The following CAST variants were observed in gnomAD, a reference collection of about 807,000 sequenced individuals.
The protein encoded by CAST is calpastatin, also known as MIR583 host.
Under a neutral mutation model 119.6 loss-of-function variants are expected in CAST, and 76 were observed. That is an observed-to-expected ratio of 0.64 (90% CI 0.53 to 0.77). The LOEUF (loss-of-function observed/expected upper bound fraction) is 0.77, where lower values mean the gene tolerates loss of function less well. Among genes scored for constraint, CAST ranks in the 30% least tolerant of loss-of-function variants. CAST has a pLI of 0.00. For missense variants in CAST, 953 were observed against 946.5 expected, an observed-to-expected ratio of 1.01 and a Z score of -0.09; for synonymous variants, 319 against 331.6, an observed-to-expected ratio of 0.96 and a Z score of 0.41.
At chr5:96,634,686 C>A (rs1003229680) in intron 1 of CAST, among the ~76,000 whole-genome samples, 1 of 152,338 alleles carries the variant, frequency 6.6e-6, no homozygotes, top group Admixed American at 6.5e-5. Flanking sequence ...GTGCCCAACA[C>A]AGTTTGCAGT....
At chr5:96,446,813 G>C in the CAST span, among the ~76,000 whole-genome samples, 1 of 152,132 alleles carries the variant, frequency 6.6e-6, no homozygotes, top group Non-Finnish European at 1.5e-5. Context: ...TGTTGCCTGG[G>C]CTAGAAAAAA....
At chr5:96,512,989 A>G in the CAST span, among the ~76,000 whole-genome samples, 2 of 152,210 alleles carry the variant, frequency 1.3e-5, no homozygotes, top group South Asian at 2.1e-4. Context: ...TCCAAGCACT[A>G]TGACTACATG....
chr5:96,274,662 A>C, the CAST span, among the ~76,000 whole-genome samples: 4 of 152,218 alleles, frequency 2.6e-5, no homozygotes, highest in African/African-American at 9.7e-5. Flanking sequence ...GGGTGCAACA[A>C]TGAGAAGAGA....
chr5:96,597,274 A>T (rs1232963262), intron 1 of CAST, among the ~76,000 whole-genome samples: 3 of 152,248 alleles, frequency 2.0e-5, no homozygotes, highest in Admixed American at 2.0e-4. Context: ...CAAGGAATTT[A>T]TCCATCTGCC....
At chr5:96,070,076 C>A in the CAST span, among the ~76,000 whole-genome samples, 27 of 152,080 alleles carry the variant, frequency 1.8e-4, no homozygotes, top group Non-Finnish European at 2.9e-4. Flanking sequence ...GGAAGGTCAG[C>A]CTTTATTCTC....
the CAST span, among the ~76,000 whole-genome samples, chr5:96,190,285 T>C: frequency 6.6e-6 from 1 of 152,298 alleles, no homozygotes; most frequent in African/African-American, 2.4e-5. Flanking sequence ...AATGCTGGGC[T>C]TCCTTTTATT....
intron 1 of CAST, among the ~76,000 whole-genome samples, chr5:96,541,218 T>A (rs1745906646): frequency 6.6e-6 from 1 of 152,232 alleles, no homozygotes; most frequent in African/African-American, 2.4e-5. Flanking sequence ...ATATTTTAGA[T>A]TATAATCCAA....
chr5:96,195,630 G>C, the CAST span, among the ~76,000 whole-genome samples: 1 of 152,164 alleles, frequency 6.6e-6, no homozygotes, highest in East Asian at 1.9e-4. Context: ...TCAGTTATCT[G>C]AACATCAACA....
At chr5:96,421,911 A>G in the CAST span, 1 of 1,590,574 alleles carries the variant, frequency 6.3e-7, no homozygotes, top group South Asian at 1.1e-5. Context: ...TATCGGGGAA[A>G]TGGATCATGG....
chr5:96,561,648 A>G (rs1746363734), intron 1 of CAST, among the ~76,000 whole-genome samples: 1 of 152,014 alleles, frequency 6.6e-6, no homozygotes, highest in Non-Finnish European at 1.5e-5. Flanking sequence ...CCACCATGGC[A>G]TGTGTATACA....
At chr5:96,253,867 C>T in the CAST span, among the ~76,000 whole-genome samples, 4 of 151,980 alleles carry the variant, frequency 2.6e-5, no homozygotes, top group Admixed American at 1.3e-4. Context: ...AGGAATCCTA[C>T]AAAATTTCGC....
the CAST span, among the ~76,000 whole-genome samples, chr5:96,143,019 G>GA: frequency 6.6e-6 from 1 of 152,192 alleles, no homozygotes; most frequent in Non-Finnish European, 1.5e-5. Context: ...AGATTCTTGG[G>GA]AAAATCACTC....
the CAST span, chr5:96,410,916 T>A: frequency 1.9e-6 from 3 of 1,612,740 alleles, no homozygotes; most frequent in Non-Finnish European, 2.5e-6. Flanking sequence ...GCCATCACAG[T>A]CACAATTATC....
chr5:96,404,601 A>T, the CAST span, among the ~76,000 whole-genome samples: 2 of 152,184 alleles, frequency 1.3e-5, no homozygotes, highest in East Asian at 3.9e-4. Flanking sequence ...TCATAAATGC[A>T]TGTTCATTTA....
intron 1 of CAST, among the ~76,000 whole-genome samples, chr5:96,644,407 T>C (rs1440667580): frequency 6.6e-6 from 1 of 152,212 alleles, no homozygotes; most frequent in East Asian, 1.9e-4. Flanking sequence ...GCTAGAAAAT[T>C]ATCTTTAACC....
chr5:96,365,369 C>T, the CAST span, among the ~76,000 whole-genome samples: 2 of 151,862 alleles, frequency 1.3e-5, no homozygotes, highest in Non-Finnish European at 2.9e-5. Flanking sequence ...GTTCAATTCC[C>T]AGATATCCTT....
the CAST span, among the ~76,000 whole-genome samples, chr5:96,144,646 CG>C: frequency 2.3e-4 from 35 of 150,146 alleles, no homozygotes; most frequent in Admixed American, 7.3e-4. Flanking sequence ...TTCATTTGTT[CG>C]TTCATAAACA....
chr5:96,610,062 T>C (rs570359034), intron 1 of CAST, among the ~76,000 whole-genome samples: 10 of 152,288 alleles, frequency 6.6e-5, no homozygotes, highest in Admixed American at 6.5e-5. Context: ...TGGGAGGTAA[T>C]TGAATTATTG....
chr5:96,108,132 T>G, the CAST span, among the ~76,000 whole-genome samples: 1 of 152,046 alleles, frequency 6.6e-6, no homozygotes, highest in Non-Finnish European at 1.5e-5. Flanking sequence ...CTTCTAAATT[T>G]TTTTCAAAGT....
Sources: gnomAD v4.1 joint callset for allele counts (sites outside exome capture counted in the v4.1 genomes callset) on GRCh38, gnomAD v4.1.1 for gene constraint, MANE v1.5 for transcripts, NCBI Gene and HGNC (gene_info 2026-07-23, HGNC 2026-07-21) for gene names.